SLC19A3: variants seen among roughly 807,000 people sequenced by gnomAD.
SLC19A3 encodes the protein thiamine transporter 2.
A neutral mutation model predicts 40.2 loss-of-function variants in SLC19A3; 31 were observed. The observed-to-expected ratio is 0.77, with a 90% CI of 0.58 to 1.04. The LOEUF (loss-of-function observed/expected upper bound fraction) is 1.04. Among genes scored for constraint, SLC19A3 ranks in the 50% least tolerant of loss-of-function variants. The pLI is 0.00. For synonymous variants in SLC19A3, 212 were observed against 227.5 expected (o/e 0.93, Z 0.61); for missense variants, 592 against 596.7 (o/e 0.99, Z 0.08).
At position 227,702,271 on chromosome 2, in the gene SLC19A3, A is replaced by C. The variant is rs1695727810; in HGVS notation, c.48T>G (p.Thr16=). 6.2e-7 allele frequency: 1 copy of C among 1,613,980 alleles called. No homozygotes were observed. The highest frequency in any genetic ancestry group is 1.7e-5 in the Admixed American group (1 of 59,988). ...AAAAACCAAATAAGCAGAGGATCAC[A>C]GTGGGGTAAATCCAGGAACTGCTTA... is the stretch of plus-strand genomic sequence containing the variant. The part of the protein sequence containing the change: ...TSLSSSWIYP[T]VILCLFGFFS... Residue 16 remains threonine, a synonymous_variant, in exon 2 of 6, where the codon ACT becomes ACG. Transcript: ENST00000644224.
rs748249623 is a variant in SLC19A3 at position 227,698,935 on chromosome 2, G to A, written c.780C>T (p.Asp260=). ...NSLKPSNVTV[D]VFVQWFQDLK... ...AATCTTGGAACCACTGCACAAAAAC[G>A]TCCACAGTCACATTGCTTGGTTTCA... The change falls in exon 3 of 6, where the codon GAC becomes GAT. Residue 260 remains aspartate (D), a synonymous_variant. Coordinates refer to ENST00000644224, the MANE Select transcript of SLC19A3 (RefSeq NM_025243.4). 3 of 1,614,104 alleles carry A rather than the reference G, an allele frequency of 1.9e-6. No individual in the cohort carries two copies. The highest frequency in any genetic ancestry group is 2.5e-6 in the Non-Finnish European group (3 of 1,179,996).
intron 4 of SLC19A3, among the ~76,000 whole-genome samples, chr2:227,690,506 G>A (rs929713079): frequency 6.6e-6 from 1 of 151,846 alleles, no homozygotes; most frequent in Non-Finnish European, 1.5e-5. Context: ...AGGAGATCAA[G>A]GCCATCCTGG....
At position 227,703,870 on chromosome 2, in the gene SLC19A3, C is replaced by T. The variant is rs1236619235; in HGVS notation, c.-2-1550G>A. 6.6e-6 allele frequency among the ~76,000 whole-genome samples: 1 copy of T among 152,164 alleles called. No individual in the cohort carries two copies. The highest frequency in any genetic ancestry group is 2.4e-5 in the African/African-American group (1 of 41,440). ...TTCTCTGTGCATCTGAGACCTAGGACTATGCCACAGTGATCCACAGGCTGC... is the reference window on the plus strand; with the variant it reads ...TTCTCTGTGCATCTGAGACCTAGGATTATGCCACAGTGATCCACAGGCTGC... On this transcript the variant is annotated intron_variant, in intron 1 of 5. Transcript: ENST00000644224. This position sits in a 1 kb window ranked among gnomAD's most constrained non-coding sequence, Gnocchi z 4.7.
intron 1 of SLC19A3, among the ~76,000 whole-genome samples, chr2:227,705,142 T>C (rs961874691): frequency 6.6e-6 from 1 of 152,006 alleles, no homozygotes; most frequent in African/African-American, 2.4e-5. Context: ...CCTCCCAAAG[T>C]GTTGGATTTT....
intron 1 of SLC19A3, among the ~76,000 whole-genome samples, chr2:227,709,706 C>T (rs1439331276): frequency 4.6e-5 from 7 of 152,238 alleles, no homozygotes; most frequent in Middle Eastern, 6.8e-3. Flanking sequence ...AAGCAAGTAA[C>T]TCCCTCAAAC....
At position 227,717,924 on chromosome 2, in the gene SLC19A3, C is replaced by T. The variant is rs1696387658; in HGVS notation, c.-3+19G>A. 3.0e-6 allele frequency: 3 copies of T among 984,768 alleles called. No individual in the cohort carries two copies. Among genetic ancestry groups the T allele is most frequent in the Non-Finnish European group, 3.6e-6 (3 of 829,714 alleles). 61.0% of individuals were successfully genotyped at this position (984,768 alleles called of 1,614,324 possible). On this transcript the variant is annotated intron_variant, in intron 1 of 5. Coordinates refer to ENST00000644224, the MANE Select transcript of SLC19A3 (RefSeq NM_025243.4). The stretch of plus-strand genomic sequence containing the variant: ...TGACGGTGCTTCTTCAATTAATTCG[C>T]CCCCCGAGATATTCTTACCTACAGA...
chr2:227,688,049 G>C, intron 5 of SLC19A3, 117 bp downstream of exon 5: 1 of 1,104,288 alleles, frequency 9.1e-7, no homozygotes, highest in East Asian at 2.4e-5. Context: ...GATAATGAAG[G>C]AATTATGTAT....
intron 1 of SLC19A3, among the ~76,000 whole-genome samples, chr2:227,717,581 C>A (rs1475595761): frequency 6.6e-6 from 1 of 152,214 alleles, no homozygotes; most frequent in East Asian, 1.9e-4. Context: ...TAGGAAGGAC[C>A]TTTTCTCCAT....
In SLC19A3 at chr2:227,684,808, C is replaced by T. The variant is rs933119182; in HGVS notation, c.*2589G>A. On this transcript the variant is annotated 3_prime_UTR_variant, in exon 6 of 6. Transcript: ENST00000644224. ...AACCAGCCTGACCAACATGGTGAAA[C>T]CCCGTCTCTACTAAATATACAAAAA... 7.9e-5 allele frequency: 12 copies of T among 151,470 alleles called. No individual in the cohort carries two copies. The highest frequency in any genetic ancestry group is 2.7e-4 in the African/African-American group (11 of 41,238). The allele number at this position is 151,470 out of a possible 1,614,324, so 9.4% of individuals were successfully genotyped here.
chr2:227,698,757 C>G lies in SLC19A3; in HGVS notation c.958G>C (p.Glu320Gln), dbSNP rs137852958. The G allele has an allele frequency of 2.5e-6, 4 of 1,613,896 alleles. No homozygotes were observed. The East Asian group carries it at 8.9e-5, about 36-fold the overall frequency. ...QDSSIYNGAVEAIATFGGAVA... is the reference protein window; with the variant it reads ...QDSSIYNGAVQAIATFGGAVA... ...TTACCTCCAAAGGTTGCAATAGCTTCTACGGCCCCATTATAGATGGAAGAA... is the reference window on the plus strand; with the variant it reads ...TTACCTCCAAAGGTTGCAATAGCTTGTACGGCCCCATTATAGATGGAAGAA... The change falls in exon 3 of 6, where the codon GAA (glutamate) becomes CAA (glutamine). Residue 320 changes from glutamate (E) to glutamine (Q), a missense_variant. By Grantham distance (29) the Glu-to-Gln change is conservative. Transcript: ENST00000644224.
intron 3 of SLC19A3, among the ~76,000 whole-genome samples, chr2:227,697,849 G>A (rs184505288): frequency 1.3e-5 from 2 of 151,866 alleles, no homozygotes; most frequent in South Asian, 2.1e-4. Flanking sequence ...AGGCTGAGGC[G>A]GGTAGATCAT....
intron 4 of SLC19A3, among the ~76,000 whole-genome samples, chr2:227,693,219 C>T (rs906369388): frequency 1.6e-4 from 24 of 152,072 alleles, no homozygotes; most frequent in African/African-American, 5.8e-4. Context: ...TATGAAACCA[C>T]AGAAGACCCA....
intron 3 of SLC19A3, among the ~76,000 whole-genome samples, chr2:227,697,335 G>A (rs1695477734): frequency 6.6e-6 from 1 of 152,076 alleles, no homozygotes; most frequent in African/African-American, 2.4e-5. Context: ...AGGGTGGGGC[G>A]AATTCTCACT....
intron 1 of SLC19A3, among the ~76,000 whole-genome samples, chr2:227,712,190 G>A (rs976010360): frequency 1.3e-5 from 2 of 151,868 alleles, no homozygotes; most frequent in Non-Finnish European, 2.9e-5. Context: ...GGTCACTTGA[G>A]CCTGGGAGTT....
chr2:227,700,991 G>A, intron 2 of SLC19A3: 1 of 1,304,284 alleles, frequency 7.7e-7, no homozygotes, highest in Non-Finnish European at 1.0e-6. Flanking sequence ...GCTGCTCCTT[G>A]GAGGGAAGGT....
chr2:227,701,025 C>T (rs978167145), intron 2 of SLC19A3: 14 of 1,304,128 alleles, frequency 1.1e-5, no homozygotes, highest in African/African-American at 3.0e-5. Flanking sequence ...CACAGTGGCT[C>T]GAGAAGCAGA....
At chr2:227,712,151 C>T (rs1696164707) in intron 1 of SLC19A3, among the ~76,000 whole-genome samples, 9 of 150,042 alleles carry the variant, frequency 6.0e-5, no homozygotes, top group Admixed American at 5.3e-4. Context: ...CGACTGTAAT[C>T]CCAGCACTTT....
intron 3 of SLC19A3, 73 bp downstream of exon 3, chr2:227,698,663 G>A: frequency 7.5e-7 from 1 of 1,327,096 alleles, no homozygotes. Flanking sequence ...TCGCTGCCAT[G>A]AAGTTCGGTA....
chr2:227,697,098 C>G (rs1695467120), intron 3 of SLC19A3, among the ~76,000 whole-genome samples: 1 of 151,994 alleles, frequency 6.6e-6, no homozygotes, highest in Non-Finnish European at 1.5e-5. Flanking sequence ...ATTTAGATTT[C>G]AAATTACTAC....
Sources: allele counts gnomAD v4.1 joint callset (sites outside exome capture counted in the v4.1 genomes callset), GRCh38; gene constraint gnomAD v4.1.1; non-coding constraint Gnocchi (gnomAD v3.1); transcripts MANE v1.5; gene names NCBI Gene and HGNC (gene_info 2026-07-23, HGNC 2026-07-21).